The following KDM6A variants were observed in gnomAD, a reference collection of about 807,000 sequenced individuals.
The protein encoded by KDM6A is lysine-specific demethylase 6A.
KDM6A carries 11 observed loss-of-function variants against 117.6 expected under a neutral mutation model. The observed-to-expected ratio is 0.09, with a 90% CI of 0.06 to 0.15. KDM6A has a LOEUF of 0.15. KDM6A is among the 10% of genes least tolerant of loss of function. KDM6A has a pLI of 1.00. For missense variants in KDM6A, 799 were observed against 1,077.3 expected (o/e 0.74, Z 3.62); for synonymous variants, 384 against 396.1 (o/e 0.97, Z 0.36).
At chrX:44,909,483 C>T (rs772628041) in intron 2 of KDM6A, among the ~76,000 whole-genome samples, 1 of 110,658 alleles carries the variant, frequency 9.0e-6, no homozygotes, top group African/African-American at 3.3e-5. Flanking sequence ...CCTTCACCCC[C>T]CCACCCAAAT....
At chrX:45,109,990 T>C in intron 28 of KDM6A, 89 bp from the exon 29 acceptor site, 2 of 892,738 alleles carry the variant, frequency 2.2e-6, no homozygotes, top group Non-Finnish European at 3.3e-6. Flanking sequence ...GTCCACAATT[T>C]CATTCAAGTA....
chrX:44,951,527 T>C (rs767765407), intron 2 of KDM6A, among the ~76,000 whole-genome samples: 11 of 111,910 alleles, frequency 9.8e-5, no homozygotes, highest in Non-Finnish European at 1.9e-4. Context: ...GATATGTTTA[T>C]GTCTGTTTAT....
chrX:45,088,231 C>T (rs935417754), intron 25 of KDM6A, among the ~76,000 whole-genome samples: 2 of 112,283 alleles, frequency 1.8e-5, no homozygotes, highest in African/African-American at 6.5e-5. Flanking sequence ...CACAATAAGC[C>T]AATCCTTATC....
chrX:45,058,973 T>C, intron 10 of KDM6A, 33 bp from the exon 11 acceptor site: 1 of 1,127,497 alleles, frequency 8.9e-7, no homozygotes, highest in Non-Finnish European at 1.2e-6. Context: ...TGGAATTCTC[T>C]TGATTTTTTT....
chrX:45,012,197 ATTTTT>A lies in KDM6A; in HGVS notation c.443+1196_443+1200del, dbSNP rs760991442. Among the ~76,000 whole-genome samples the A allele has an allele frequency of 9.0e-3, 621 of 69,057 alleles. 5 individuals carry two copies. The highest frequency in any genetic ancestry group is 0.038 in the African/African-American group (600 of 15,800). 60.0% of individuals were successfully genotyped at this position (69,057 alleles called of 115,157 possible). A position where few individuals can be genotyped will look rare whatever the true frequency, so the allele number is the denominator to read the frequency against. ...TTTATAAAATGTCAACCCAATGTAGATTTTTTTTTTTTTTTTTTTTTTGGTCAGAG... is the reference window on the plus strand; with the variant it reads ...TTTATAAAATGTCAACCCAATGTAGATTTTTTTTTTTTTTTTTGGTCAGAG... On this transcript the variant is annotated intron_variant, in intron 5 of 29. Coordinates refer to ENST00000611820, the MANE Select transcript of KDM6A (RefSeq NM_001291415.2).
intron 3 of KDM6A, among the ~76,000 whole-genome samples, chrX:44,967,766 G>C (rs1227912943): frequency 8.9e-6 from 1 of 112,060 alleles, no homozygotes; most frequent in Non-Finnish European, 1.9e-5. Context: ...TCTGAAGATG[G>C]TATAATTTGG....
Position 44,873,542 on chromosome X carries a change from C to A in KDM6A, c.-10C>A. ...TGTCGGCGTTGGAGTTGTGAATTCG[C>A]TGCGTTTCCATGAAATCCTGCGGAG... On this transcript the variant is annotated 5_prime_UTR_variant, in exon 1 of 30. It adds an upstream start codon to the 5' untranslated region. Coordinates refer to ENST00000611820, the MANE Select transcript of KDM6A (RefSeq NM_001291415.2). 8.3e-7 allele frequency: 1 copy of A among 1,209,776 alleles called. No homozygotes were observed. Among genetic ancestry groups the A allele is most frequent in the Non-Finnish European group, 1.1e-6 (1 of 895,021 alleles).
rs1392269603 is a variant in KDM6A, at chrX:45,042,269, A to G, written c.654+4580A>G. Among the ~76,000 whole-genome samples the G allele has an allele frequency of 4.7e-4, 4 of 8,461 alleles. No individual in the cohort carries two copies. The African/African-American group carries it at 7.2e-3, about 15-fold the overall frequency. 7.3% of individuals were successfully genotyped at this position (8,461 alleles called of 115,157 possible). ...AGGAGACCGTGGAGGGAGAGGGGAG[A>G]GGGGAGAGGGGAGAGGGGAGAGGGG... On this transcript the variant is annotated intron_variant, in intron 8 of 29. Transcript: ENST00000611820.
intron 4 of KDM6A, among the ~76,000 whole-genome samples, chrX:44,988,393 G>T (rs1029249286): frequency 9.0e-6 from 1 of 111,230 alleles, no homozygotes; most frequent in Non-Finnish European, 1.9e-5. Context: ...ATCATCTGAA[G>T]CCTTCTTCTC....
At chrX:44,922,027 C>CTTTTTTTTT in intron 2 of KDM6A, among the ~76,000 whole-genome samples, 1,200 of 37,714 alleles carry the variant, frequency 0.032, 546 homozygotes, top group Middle Eastern at 0.15. Flanking sequence ...ATTGTGTGTG[C>CTTTTTTTTT]CTTTTTTTTT....
At chrX:45,014,124 C>G (rs995459175) in intron 5 of KDM6A, among the ~76,000 whole-genome samples, 11 of 111,547 alleles carry the variant, frequency 9.9e-5, no homozygotes, top group African/African-American at 3.6e-4. Flanking sequence ...TTGGTATTTG[C>G]TAATTGTGTC....
At chrX:44,942,542 A>AT (rs904689224) in intron 2 of KDM6A, among the ~76,000 whole-genome samples, 6 of 110,164 alleles carry the variant, frequency 5.4e-5, no homozygotes, top group Non-Finnish European at 1.1e-4. Context: ...ATTAGGTAAT[A>AT]TATATCCTCT....
intron 5 of KDM6A, among the ~76,000 whole-genome samples, chrX:45,016,126 A>G (rs1338408473): frequency 3.6e-5 from 4 of 111,766 alleles, no homozygotes; most frequent in Non-Finnish European, 5.6e-5. Context: ...GTCACAGTGT[A>G]TTAACATTTC....
chrX:44,886,150 C>T (rs1207913143), intron 2 of KDM6A, among the ~76,000 whole-genome samples: 3 of 109,062 alleles, frequency 2.8e-5, no homozygotes, highest in African/African-American at 6.7e-5. Flanking sequence ...CTTCATCTCC[C>T]GGGTTCAAGC....
intron 18 of KDM6A, among the ~76,000 whole-genome samples, chrX:45,076,007 C>G (rs2045096124): frequency 9.0e-6 from 1 of 111,015 alleles, no homozygotes; most frequent in South Asian, 3.7e-4. Context: ...CTTGCTTGTA[C>G]TGAAAGAATT....
intron 17 of KDM6A, among the ~76,000 whole-genome samples, chrX:45,065,944 A>G (rs1321794387): frequency 8.9e-6 from 1 of 111,866 alleles, no homozygotes; most frequent in Non-Finnish European, 1.9e-5. Flanking sequence ...AGGACTGAAA[A>G]CTGACCATCT....
chrX:44,916,315 C>T (rs1307357993), intron 2 of KDM6A, among the ~76,000 whole-genome samples: 1 of 110,023 alleles, frequency 9.1e-6, no homozygotes, highest in Non-Finnish European at 1.9e-5. Flanking sequence ...AGTAAGTAGT[C>T]TTCTGTGGGG....
chrX:45,100,449 T>C (rs1203696094), intron 27 of KDM6A, among the ~76,000 whole-genome samples: 1 of 112,331 alleles, frequency 8.9e-6, no homozygotes, highest in Non-Finnish European at 1.9e-5. Context: ...AGCAACTTTG[T>C]GAGTTCACTT....
Position 45,032,722 on chromosome X carries a change from A to G in KDM6A, c.565-2209A>G, listed in dbSNP as rs752083999. Among the ~76,000 whole-genome samples the G allele has an allele frequency of 4.5e-5, 5 of 111,639 alleles. No homozygotes were observed. In the South Asian group the frequency reaches 1.9e-3, roughly 42 times the overall value. ...CGCCTCGGCCTCCCAAAGTACTGGGATTATAGGCGTGAGCTACTGTACCCA... is the reference window on the plus strand; with the variant it reads ...CGCCTCGGCCTCCCAAAGTACTGGGGTTATAGGCGTGAGCTACTGTACCCA... On this transcript the variant is annotated intron_variant, in intron 6 of 29. Coordinates refer to ENST00000611820, the MANE Select transcript of KDM6A (RefSeq NM_001291415.2).
Sources: gnomAD v4.1 joint callset for allele counts (sites outside exome capture counted in the v4.1 genomes callset) on GRCh38, gnomAD v4.1.1 for gene constraint, MANE v1.5 for transcripts, NCBI Gene and HGNC (gene_info 2026-07-23, HGNC 2026-07-21) for gene names.